Variants in ZNF276 observed in about 807,000 individuals in gnomAD.
ZNF276 encodes the protein zinc finger protein 276.
In ZNF276, 59 loss-of-function variants were observed where a neutral mutation model predicts 63.9. That is an observed-to-expected ratio of 0.92 (90% CI 0.75 to 1.15). The LOEUF (loss-of-function observed/expected upper bound fraction) is 1.15, where lower values mean the gene tolerates loss of function less well. Among genes scored for constraint, ZNF276 ranks in the 50% most tolerant of loss-of-function variants. ZNF276 has a pLI of 0.00. For synonymous variants in ZNF276, 496 were observed against 348.4 expected (o/e 1.42, Z -4.72); for missense variants, 1,084 against 843.8 (o/e 1.28, Z -3.53).
intron 6 of ZNF276, 111 bp downstream of exon 6, chr16:89,729,429 G>T: frequency 1.0e-6 from 1 of 965,110 alleles, no homozygotes; most frequent in East Asian, 2.5e-5. Context: ...CTCGTGTGCG[G>T]ATCTCCCGAG....
At chr16:89,730,867 C>T (rs2061624488) in intron 6 of ZNF276, among the ~76,000 whole-genome samples, 1 of 152,192 alleles carries the variant, frequency 6.6e-6, no homozygotes, top group South Asian at 2.1e-4. Context: ...CCGCCTGTGT[C>T]CTCAGCTGGG....
chr16:89,722,840 C>T lies in ZNF276; in HGVS notation c.509+6C>T, dbSNP rs764920229. The T allele has an allele frequency of 2.5e-6, 4 of 1,599,992 alleles. No individual in the cohort carries two copies. The highest frequency in any genetic ancestry group is 2.2e-5 in the East Asian group (1 of 44,868). ...CGCCGGAAGCCTTGTGCAAAGTACG[C>T]CCTAGTCTGTTCAGAGCACGTTCAG... On this transcript the variant is annotated splice_donor_region_variant and intron_variant, in intron 2 of 10. Coordinates refer to ENST00000443381, the MANE Select transcript of ZNF276 (RefSeq NM_001113525.2).
At chr16:89,737,598 C>T (rs1052228819) in intron 9 of ZNF276, 7 of 892,074 alleles carry the variant, frequency 7.8e-6, no homozygotes, top group Non-Finnish European at 6.5e-6. Flanking sequence ...CTGAAATGCA[C>T]ACAGCTGATG....
chr16:89,734,361 TGTTGC>T (rs2061778497), intron 9 of ZNF276, among the ~76,000 whole-genome samples: 1 of 152,170 alleles, frequency 6.6e-6, no homozygotes, highest in African/African-American at 2.4e-5. Context: ...AGTCCTGCTC[TGTTGC>T]CCAGGCTGGA....
chr16:89,727,388 A>T, intron 5 of ZNF276, 31 bp downstream of exon 5: 1 of 1,604,742 alleles, frequency 6.2e-7, no homozygotes, highest in South Asian at 1.1e-5. Flanking sequence ...AACAGCCTAA[A>T]ATTTCTCCTT....
At chr16:89,729,016 G>C (rs1384802197) in intron 5 of ZNF276, among the ~76,000 whole-genome samples, 1 of 152,232 alleles carries the variant, frequency 6.6e-6, no homozygotes, top group Non-Finnish European at 1.5e-5. Flanking sequence ...CTGGTGCCCA[G>C]AGCACATGGC....
At chr16:89,733,886 G>A (rs201135526) in intron 8 of ZNF276, 35 bp from the exon 9 acceptor site, 47 of 1,602,760 alleles carry the variant, frequency 2.9e-5, no homozygotes, top group South Asian at 7.7e-5. Flanking sequence ...GCCCGGGTGC[G>A]GCTCTGAGGG....
intron 5 of ZNF276, 124 bp downstream of exon 5, chr16:89,727,481 G>C (rs1255338847): frequency 8.9e-7 from 1 of 1,123,300 alleles, no homozygotes; most frequent in Non-Finnish European, 1.3e-6. Flanking sequence ...AAACCAAACA[G>C]CCATCGTAGG....
At chr16:89,733,054 C>T (rs906704817) in intron 6 of ZNF276, 25 of 453,584 alleles carry the variant, frequency 5.5e-5, no homozygotes, top group African/African-American at 1.4e-4. Flanking sequence ...CCTGCGCCCT[C>T]GCCCTCTGCT....
Position 89,739,924 on chromosome 16 carries a change from T to C in ZNF276, c.*1678T>C, listed in dbSNP as rs1291138416. On this transcript the variant is annotated 3_prime_UTR_variant, in exon 11 of 11. Transcript: ENST00000443381. ...AAGGAACCTCAAGGAGGGCTCGTTC[T>C]TAACCATTTGCAAGATGCCTCTGAA... 1 of 1,604,416 alleles carries C rather than the reference T, an allele frequency of 6.2e-7. No homozygotes were observed. Among genetic ancestry groups the C allele is most frequent in the South Asian group, 1.1e-5 (1 of 90,378 alleles).
At chr16:89,735,929 T>C (rs1044092960) in intron 9 of ZNF276, among the ~76,000 whole-genome samples, 1 of 148,386 alleles carries the variant, frequency 6.7e-6, no homozygotes, top group African/African-American at 2.5e-5. Flanking sequence ...CTTGCTCTTG[T>C]CGCCCAGGCT....
chr16:89,738,858 C>T lies in ZNF276; in HGVS notation c.*612C>T. ...TCAATTCTCATGTCCCCCACATGGC[C>T]CAAGGTGGGCATCTTGACGTTACCT... On this transcript the variant is annotated 3_prime_UTR_variant, in exon 11 of 11. Transcript: ENST00000443381. 6.2e-7 allele frequency: 1 copy of T among 1,614,228 alleles called. No homozygotes were observed. The highest frequency in any genetic ancestry group is 8.5e-7 in the Non-Finnish European group (1 of 1,180,032).
At chr16:89,733,264 A>C (rs1273326519) in intron 6 of ZNF276, 38 bp from the exon 7 acceptor site, 2 of 1,580,390 alleles carry the variant, frequency 1.3e-6, no homozygotes, top group East Asian at 4.5e-5. Context: ...GCAAATGGAG[A>C]TCAGAAACCA....
rs763049986 is a variant in ZNF276, at chr16:89,739,470, G to A, written c.*1224G>A. On this transcript the variant is annotated 3_prime_UTR_variant, in exon 11 of 11. Coordinates refer to ENST00000443381, the MANE Select transcript of ZNF276 (RefSeq NM_001113525.2). ...CCCAGCCCTGACCAGCCCTGTGGGT[G>A]GAGGTACCTGTAAAAAGCGAAAGGC... 4.4e-5 allele frequency: 68 copies of A among 1,551,444 alleles called. No individual in the cohort carries two copies. The South Asian group carries it at 7.2e-4, about 17-fold the overall frequency.
rs1377089391 is a variant in ZNF276 at position 89,738,077 on chromosome 16, G to C, written c.1676G>C (p.Cys559Ser). The C allele has an allele frequency of 6.2e-7, 1 of 1,614,102 alleles. No homozygotes were observed. Among genetic ancestry groups the C allele is most frequent in the African/African-American group, 1.3e-5 (1 of 75,038 alleles). The change falls in exon 11 of 11, where the codon TGT (cysteine) becomes TCT (serine). Residue 559 changes from cysteine to serine, a missense_variant. Physicochemically the swap from Cys to Ser is moderately radical, Grantham distance 112. Coordinates refer to ENST00000443381, the MANE Select transcript of ZNF276 (RefSeq NM_001113525.2). ...GAGCTGGACTTTGCCTGTGACCAGTGTGGCCGGCGGTTTGAGAAGGCCCAC... is the reference window on the plus strand; with the variant it reads ...GAGCTGGACTTTGCCTGTGACCAGTCTGGCCGGCGGTTTGAGAAGGCCCAC... ...ETELDFACDQ[C>S]GRRFEKAHNL... is the part of the protein sequence containing the mutation.
At position 89,723,453 on chromosome 16, in the gene ZNF276, C is replaced by T. The variant is rs1444542027; in HGVS notation, c.750C>T (p.Ala250=). Residue 250 remains alanine, a synonymous_variant, in exon 4 of 11, where the codon GCC becomes GCT. Transcript: ENST00000443381. ...YTMDTSSSCK[A]FLLDSALAVK... ...TGGATACCAGCTCCAGCTGCAAGGCCTTCTTGCTGGACAGTGCGCTGGCAG... is the reference window on the plus strand; with the variant it reads ...TGGATACCAGCTCCAGCTGCAAGGCTTTCTTGCTGGACAGTGCGCTGGCAG... 2.5e-6 allele frequency: 4 copies of T among 1,612,922 alleles called. No individual in the cohort carries two copies. Among genetic ancestry groups the T allele is most frequent in the Admixed American group, 3.3e-5 (2 of 60,010 alleles).
Position 89,739,744 on chromosome 16 carries a change from T to G in ZNF276, c.*1498T>G. The G allele has an allele frequency of 6.7e-7, 1 of 1,489,530 alleles. No individual in the cohort carries two copies. Among genetic ancestry groups the G allele is most frequent in the South Asian group, 1.3e-5 (1 of 75,242 alleles). The allele number at this position is 1,489,530 out of a possible 1,614,324, so 92.3% of individuals were successfully genotyped here. ...GGAGAGGATGGGGGGGTCGACCTCT[T>G]GCAGGAGGGTGGGTGTGGTGCAGAG... On this transcript the variant is annotated 3_prime_UTR_variant, in exon 11 of 11. Coordinates refer to ENST00000443381, the MANE Select transcript of ZNF276 (RefSeq NM_001113525.2).
chr16:89,721,543 C>A lies in ZNF276; in HGVS notation c.-98C>A. The A allele has an allele frequency of 7.9e-7, 1 of 1,260,426 alleles. No individual in the cohort carries two copies. Among genetic ancestry groups the A allele is most frequent in the Non-Finnish European group, 1.1e-6 (1 of 947,880 alleles). The allele number at this position is 1,260,426 out of a possible 1,614,324, so 78.1% of individuals were successfully genotyped here. On this transcript the variant is annotated 5_prime_UTR_variant, in exon 1 of 11. Transcript: ENST00000443381. ...CTCGCTCCGCCCCTCCCCCGCCCCGCCTCGCTTCCAGCGCGCCGAGCGGAG... is the reference window on the plus strand; with the variant it reads ...CTCGCTCCGCCCCTCCCCCGCCCCGACTCGCTTCCAGCGCGCCGAGCGGAG...
At chr16:89,737,448 G>A in intron 9 of ZNF276, 1 of 272,790 alleles carries the variant, frequency 3.7e-6, no homozygotes, top group African/African-American at 2.2e-5. Context: ...TTGAGCCTGG[G>A]AGGCGCAGGT....
Sources: gnomAD v4.1 joint callset for allele counts (sites outside exome capture counted in the v4.1 genomes callset) on GRCh38, gnomAD v4.1.1 for gene constraint, MANE v1.5 for transcripts, NCBI Gene and HGNC (gene_info 2026-07-23, HGNC 2026-07-21) for gene names.